Variants in FARP1 observed in about 807,000 individuals in gnomAD.
The protein encoded by FARP1 is FERM, ARH/RhoGEF and pleckstrin domain protein 1, also known as FERM, ARHGEF and pleckstrin domain-containing protein 1.
FARP1 carries 52 observed loss-of-function variants against 128.8 expected under a neutral mutation model. The ratio of observed to expected loss-of-function variants is 0.40; its 90% CI spans 0.32 to 0.51. The LOEUF is 0.51. FARP1 is among the 20% of genes least tolerant of loss of function. The pLI is 0.45. For synonymous variants in FARP1, 580 were observed against 551.8 expected (o/e 1.05, Z -0.72); for missense variants, 1,333 against 1,367.9 (o/e 0.97, Z 0.40).
At chr13:98,212,583 T>C (rs1256736391) in intron 1 of FARP1, among the ~76,000 whole-genome samples, 1 of 144,810 alleles carries the variant, frequency 6.9e-6, no homozygotes, top group African/African-American at 2.6e-5. Context: ...TAGTATAGTG[T>C]GTAGAATGGC....
chr13:98,309,465 G>A (rs112201334), intron 2 of FARP1, among the ~76,000 whole-genome samples: 19 of 151,974 alleles, frequency 1.3e-4, no homozygotes, highest in Non-Finnish European at 1.9e-4. Context: ...CACCGCGCCC[G>A]GCCAAGAGGC....
At chr13:98,242,793 T>C (rs899506029) in intron 2 of FARP1, among the ~76,000 whole-genome samples, 7 of 152,252 alleles carry the variant, frequency 4.6e-5, no homozygotes, top group African/African-American at 1.7e-4. Context: ...GCTAATTTTA[T>C]CTTTAGTTGT....
chr13:98,388,239 A>G, intron 8 of FARP1, 144 bp from the exon 9 acceptor site: 1 of 634,462 alleles, frequency 1.6e-6, no homozygotes, highest in South Asian at 1.8e-5. Flanking sequence ...ATAGCCACAG[A>G]TCCTGTGAGT....
At chr13:98,232,144 G>GTTTTTCTTTTTTTTTTTTTTTTTTTTTT (rs1555329634) in intron 2 of FARP1, among the ~76,000 whole-genome samples, 1 of 111,700 alleles carries the variant, frequency 9.0e-6, no homozygotes, top group African/African-American at 4.2e-5. Flanking sequence ...TTGTTTGGTT[G>GTTTTTCTTTTTTTTTTTTTTTTTTTTTT]GTTTTTTTTT....
At chr13:98,391,427 C>T (rs1458677204) in intron 11 of FARP1, among the ~76,000 whole-genome samples, 1 of 152,106 alleles carries the variant, frequency 6.6e-6, no homozygotes, top group African/African-American at 2.4e-5. Flanking sequence ...CACAGGTGCC[C>T]ACCACCACTC....
Position 98,213,234 on chromosome 13 carries a change from G to T in FARP1, c.-9G>T, listed in dbSNP as rs756323595. 10 of 1,609,726 alleles carry T rather than the reference G, an allele frequency of 6.2e-6. No individual in the cohort carries two copies. The highest frequency in any genetic ancestry group is 1.1e-5 in the South Asian group (1 of 90,482). ...GCTTCCTGCAGATATTCTCTAAGCC[G>T]CTTTCATCATGGGAGAAATAGAGCA... On this transcript the variant is annotated 5_prime_UTR_variant, in exon 2 of 27. Transcript: ENST00000319562.
chr13:98,154,492 T>C (rs1876360748), intron 1 of FARP1, among the ~76,000 whole-genome samples: 1 of 152,330 alleles, frequency 6.6e-6, no homozygotes, highest in South Asian at 2.1e-4. Flanking sequence ...AGGAGCTTTG[T>C]TGGCTGCCTG....
At chr13:98,242,291 C>G (rs1239284400) in intron 2 of FARP1, among the ~76,000 whole-genome samples, 1 of 152,180 alleles carries the variant, frequency 6.6e-6, no homozygotes, top group African/African-American at 2.4e-5. Context: ...CTGTTTTTCT[C>G]CATGCTTTTA....
intron 17 of FARP1, among the ~76,000 whole-genome samples, chr13:98,430,077 AAAAAT>A (rs1331304190): frequency 6.6e-6 from 1 of 152,102 alleles, no homozygotes; most frequent in African/African-American, 2.4e-5. Context: ...CCCTGTCTCT[AAAAAT>A]AAATAAATAA....
At chr13:98,149,977 T>A (rs1443023670) in intron 1 of FARP1, among the ~76,000 whole-genome samples, 1 of 151,930 alleles carries the variant, frequency 6.6e-6, no homozygotes, top group East Asian at 1.9e-4. Context: ...GACCTTGTGA[T>A]CCGCCTGCCT....
chr13:98,325,733 T>C (rs1451236955), intron 2 of FARP1, among the ~76,000 whole-genome samples: 1 of 152,254 alleles, frequency 6.6e-6, no homozygotes, highest in Non-Finnish European at 1.5e-5. Context: ...TATTTGTAGC[T>C]TGTCCAGTTT....
chr13:98,186,227 C>T (rs1878862033), intron 1 of FARP1, among the ~76,000 whole-genome samples: 1 of 152,224 alleles, frequency 6.6e-6, no homozygotes, highest in Admixed American at 6.5e-5. Context: ...CTGCCTCAGC[C>T]TCCTGAGTAG....
chr13:98,237,925 C>G (rs1882522085), intron 2 of FARP1, among the ~76,000 whole-genome samples: 1 of 152,022 alleles, frequency 6.6e-6, no homozygotes, highest in Non-Finnish European at 1.5e-5. Flanking sequence ...GCTGTTTTAT[C>G]TTGTATTGAA....
At chr13:98,364,060 C>G (rs1227157948) in intron 3 of FARP1, among the ~76,000 whole-genome samples, 4 of 152,152 alleles carry the variant, frequency 2.6e-5, no homozygotes, top group Non-Finnish European at 4.4e-5. Flanking sequence ...TTTTTAATGC[C>G]TGCATGGTAA....
At chr13:98,188,425 G>T (rs1266371631) in intron 1 of FARP1, among the ~76,000 whole-genome samples, 1 of 152,102 alleles carries the variant, frequency 6.6e-6, no homozygotes, top group Non-Finnish European at 1.5e-5. Context: ...GCTGGGCGTG[G>T]TGGTGTGTGC....
chr13:98,310,000 C>T (rs7329103), intron 2 of FARP1, among the ~76,000 whole-genome samples: 1 of 151,738 alleles, frequency 6.6e-6, no homozygotes, highest in Non-Finnish European at 1.5e-5. Flanking sequence ...GCGTTGATGT[C>T]TGGTTTTTAC....
chr13:98,344,942 A>G (rs2139881696), intron 3 of FARP1, among the ~76,000 whole-genome samples: 1 of 152,274 alleles, frequency 6.6e-6, no homozygotes, highest in South Asian at 2.1e-4. Context: ...TCTCCTATTC[A>G]GCTAACAATT....
At position 98,347,295 on chromosome 13, in the gene FARP1, C is replaced by A. The variant is rs369097408; in HGVS notation, c.276+3429C>A. 6.9e-3 allele frequency among the ~76,000 whole-genome samples: 1,049 copies of A among 152,238 alleles called. 4 individuals are homozygous for A. Among genetic ancestry groups the A allele is most frequent in the Middle Eastern group, 0.014 (4 of 294 alleles). ...TCAAAAACAAGTAACACATTTGTAA[C>A]CATTTGTAAGTGTGTAGTTCAGAAG... On this transcript the variant is annotated intron_variant, in intron 3 of 26. Transcript: ENST00000319562.
intron 2 of FARP1, among the ~76,000 whole-genome samples, chr13:98,318,950 G>GTTTTTTTTTTTTTTTTTTTTTT (rs56166470): frequency 9.1e-5 from 11 of 120,684 alleles, no homozygotes; most frequent in African/African-American, 2.2e-4. Flanking sequence ...GTTTTTTCTT[G>GTTTTTTTTTTTTTTTTTTTTTT]TTTTTTTTTT....
Sources: allele counts gnomAD v4.1 joint callset (sites outside exome capture counted in the v4.1 genomes callset), GRCh38; gene constraint gnomAD v4.1.1; transcripts MANE v1.5; gene names NCBI Gene and HGNC (gene_info 2026-07-23, HGNC 2026-07-21).